The following NCOR2 variants were observed in gnomAD, a reference collection of about 807,000 sequenced individuals.
NCOR2 encodes the protein CTG repeat protein 26.
A neutral mutation model predicts 262.9 loss-of-function variants in NCOR2; 81 were observed. That is an observed-to-expected ratio of 0.31 (90% CI 0.26 to 0.37). The LOEUF (loss-of-function observed/expected upper bound fraction) is 0.37, where lower values mean the gene tolerates loss of function less well. Ranked by LOEUF, NCOR2 falls within the 10% of genes least tolerant of loss-of-function variation. NCOR2 has a pLI of 1.00. For synonymous variants in NCOR2, 1,659 were observed against 1,559.3 expected (o/e 1.06, Z -1.51); for missense variants, 3,385 against 3,621.4 (o/e 0.93, Z 1.68).
At chr12:124,553,029 A>C (rs2137265367) in intron 1 of NCOR2, among the ~76,000 whole-genome samples, 1 of 152,306 alleles carries the variant, frequency 6.6e-6, no homozygotes, top group East Asian at 1.9e-4. Context: ...CCAAGGTCTG[A>C]AATGGATCTA....
chr12:124,499,589 G>A (rs1565999983), upstream of NCOR2, among the ~76,000 whole-genome samples: 2 of 152,242 alleles, frequency 1.3e-5, no homozygotes, highest in African/African-American at 4.8e-5. Context: ...GCGCAGGCTT[G>A]GGGGTGAGCC....
intron 1 of NCOR2, among the ~76,000 whole-genome samples, chr12:124,560,812 A>G (rs2052044114): frequency 6.6e-6 from 1 of 152,178 alleles, no homozygotes; most frequent in Non-Finnish European, 1.5e-5. Context: ...AAGTCAATGC[A>G]TTTTCTTTCA....
Position 124,336,800 on chromosome 12 carries a change from G to A in NCOR2, c.6068C>T (p.Thr2023Ile), listed in dbSNP as rs368744652. 16 of 1,613,294 alleles carry A rather than the reference G, an allele frequency of 9.9e-6. No individual in the cohort carries two copies. In the African/African-American group the frequency reaches 1.9e-4, roughly 19 times the overall value. ...CTGGATGGAAAAGGGTTTACTTTGA[G>A]TCTTTTCCCGGTGCGGGTCCGAGGC... The change falls in exon 38 of 47, where the codon ACT (threonine) becomes ATT (isoleucine). Residue 2023 changes from threonine to isoleucine, a missense_variant. By Grantham distance (89) the Thr-to-Ile change is moderately conservative. Coordinates refer to ENST00000405201, the Ensembl canonical transcript of NCOR2.
chr12:124,510,856 C>T (rs1360510257), intron 1 of NCOR2, among the ~76,000 whole-genome samples: 1 of 152,154 alleles, frequency 6.6e-6, no homozygotes, highest in Non-Finnish European at 1.5e-5. Context: ...CAGGAGGAGA[C>T]GAAAGGCCAC....
intron 16 of NCOR2, among the ~76,000 whole-genome samples, chr12:124,386,291 G>A (rs7316667): frequency 0.019 from 2,886 of 152,184 alleles, 64 homozygotes; most frequent in African/African-American, 0.052. Flanking sequence ...CCTGGCCTAC[G>A]TGACCCAGCC....
chr12:124,473,358 G>A (rs1259303455), intron 3 of NCOR2, among the ~76,000 whole-genome samples: 1 of 152,226 alleles, frequency 6.6e-6, no homozygotes, highest in Non-Finnish European at 1.5e-5. Context: ...TCAGCTGCCA[G>A]CGAATATAAA....
At chr12:124,343,357 G>T in intron 32 of NCOR2, 131 bp from the exon 35 acceptor site, 1 of 695,928 alleles carries the variant, frequency 1.4e-6, no homozygotes, top group Non-Finnish European at 2.3e-6. Context: ...CATTGCCTTA[G>T]TTCACTTTTT....
chr12:124,464,294 T>C (rs1422668683), intron 5 of NCOR2, among the ~76,000 whole-genome samples: 17 of 152,234 alleles, frequency 1.1e-4, no homozygotes, highest in Non-Finnish European at 2.9e-5. Context: ...ACTGCAGCAA[T>C]GTGCTGGGCC....
intron 33 of NCOR2, 120 bp downstream of exon 35, chr12:124,342,883 TCA>T: frequency 1.9e-6 from 2 of 1,067,684 alleles, no homozygotes; most frequent in Non-Finnish European, 2.7e-6. Flanking sequence ...TCCCGAGGCC[TCA>T]GTTTCGCCAT....
chr12:124,345,400 G>C (rs1311362658), intron 31 of NCOR2, among the ~76,000 whole-genome samples: 2 of 152,092 alleles, frequency 1.3e-5, no homozygotes, highest in Non-Finnish European at 2.9e-5. Context: ...TCAGCCCCAG[G>C]GACACTGAGG....
intron 1 of NCOR2, among the ~76,000 whole-genome samples, chr12:124,519,437 C>T (rs1457304786): frequency 6.6e-6 from 1 of 152,148 alleles, no homozygotes; most frequent in Non-Finnish European, 1.5e-5. Context: ...TGACAAGGGT[C>T]TGGGGGTGCA....
rs536444983 is a variant in NCOR2 at position 124,454,988 on chromosome 12, C to T, written c.762+2118G>A. On this transcript the variant is annotated intron_variant, in intron 6 of 46. Transcript: ENST00000405201. The surrounding 1 kb of genome is among the most constrained non-coding windows in gnomAD (Gnocchi z 5.6). ...TCAGCCACAAAAAGGAACGAAGGAC[C>T]GACCCACGCTCGACACGGATGAACC... 6.6e-6 allele frequency among the ~76,000 whole-genome samples: 1 copy of T among 151,514 alleles called. No homozygotes were observed. The highest frequency in any genetic ancestry group is 1.5e-5 in the Non-Finnish European group (1 of 67,584).
chr12:124,359,496 C>T (rs940386051), intron 22 of NCOR2, among the ~76,000 whole-genome samples: 2 of 152,246 alleles, frequency 1.3e-5, no homozygotes, highest in Non-Finnish European at 2.9e-5. Flanking sequence ...GGGCAGCCCA[C>T]AGGAGGCAGG....
chr12:124,493,105 C>T (rs945983853), intron 1 of NCOR2, among the ~76,000 whole-genome samples: 10 of 152,240 alleles, frequency 6.6e-5, no homozygotes, highest in African/African-American at 1.2e-4. Flanking sequence ...CCACATCCTG[C>T]GTCACTGACG....
Position 124,330,762 on chromosome 12 carries a change from G to A in NCOR2, c.6958+83C>T, listed in dbSNP as rs569057719. On this transcript the variant is annotated intron_variant, in intron 44 of 46. Coordinates refer to ENST00000405201, the Ensembl canonical transcript of NCOR2. ...ACACCCAGACTAGCGAAGGCTCCTC[G>A]TCCCTTCATGACAGCTGGAGCAGGG... 171 of 1,451,682 alleles carry A rather than the reference G, an allele frequency of 1.2e-4. No homozygotes were observed. In the African/African-American group the frequency reaches 2.0e-3, roughly 17 times the overall value. 89.9% of individuals were successfully genotyped at this position (1,451,682 alleles called of 1,614,324 possible). A position where few individuals can be genotyped will look rare whatever the true frequency, so the allele number is the denominator to read the frequency against.
At chr12:124,334,675 G>T in intron 40 of NCOR2, 58 bp from the exon 43 acceptor site, 3 of 886,092 alleles carry the variant, frequency 3.4e-6, no homozygotes, top group East Asian at 6.1e-5. Flanking sequence ...GAACCTTCTG[G>T]GGGTGGGGAG....
chr12:124,444,333 A>T (rs897343474), intron 7 of NCOR2, among the ~76,000 whole-genome samples: 4 of 152,172 alleles, frequency 2.6e-5, no homozygotes, highest in Non-Finnish European at 5.9e-5. Flanking sequence ...CACACACCCT[A>T]TAAGGAAACC....
intron 1 of NCOR2, among the ~76,000 whole-genome samples, chr12:124,529,452 C>T (rs1033350533): frequency 4.6e-5 from 7 of 151,868 alleles, no homozygotes; most frequent in Admixed American, 3.9e-4. Flanking sequence ...CCAGCCTGGG[C>T]GACAGAGCAA....
chr12:124,501,053 C>CAT (rs2048692534), intron 1 of NCOR2, among the ~76,000 whole-genome samples: 1 of 44,926 alleles, frequency 2.2e-5, no homozygotes, highest in Non-Finnish European at 4.9e-5. Context: ...CGAGCGCGCG[C>CAT]GCACGCGCGC....
Sources: gnomAD v4.1 joint callset for allele counts (sites outside exome capture counted in the v4.1 genomes callset) on GRCh38, gnomAD v4.1.1 for gene constraint, Gnocchi (gnomAD v3.1) non-coding constraint, MANE v1.5 for transcripts, NCBI Gene and HGNC (gene_info 2026-07-23, HGNC 2026-07-21) for gene names.